Variants in USP16 observed in about 807,000 individuals in gnomAD.
The protein encoded by USP16 is ubiquitin carboxyl-terminal hydrolase 16.
A neutral mutation model predicts 95.9 loss-of-function variants in USP16; 77 were observed. The ratio of observed to expected loss-of-function variants is 0.80; its 90% CI spans 0.67 to 0.97. The LOEUF is 0.97. Among genes scored for constraint, USP16 ranks in the 50% least tolerant of loss-of-function variants. The pLI, the probability that USP16 is intolerant of heterozygous loss-of-function variation, is 0.00. For synonymous variants in USP16, 303 were observed against 318.2 expected (o/e 0.95, Z 0.51); for missense variants, 943 against 959.9 (o/e 0.98, Z 0.23).
In USP16 at chr21:29,039,576, T is replaced by A; in HGVS notation, c.951+8T>A. ...AGAGCAGAAGAACACCAAGTTAGCATGTTATGACCATTGTATTTTATGATC... is the reference window on the plus strand; with the variant it reads ...AGAGCAGAAGAACACCAAGTTAGCAAGTTATGACCATTGTATTTTATGATC... On this transcript the variant is annotated splice_region_variant and intron_variant, in intron 9 of 17. Coordinates refer to ENST00000399976, the MANE Select transcript of USP16 (RefSeq NM_006447.3). 1.9e-6 allele frequency: 3 copies of A among 1,610,316 alleles called. No individual in the cohort carries two copies. The highest frequency in any genetic ancestry group is 2.5e-6 in the Non-Finnish European group (3 of 1,177,396).
At position 29,043,413 on chromosome 21, in the gene USP16, A is replaced by G. The variant is rs766709778; in HGVS notation, c.1180-10A>G. On this transcript the variant is annotated splice_polypyrimidine_tract_variant and intron_variant, in intron 12 of 17. Transcript: ENST00000399976. ...ATTTTGTTTTTGACCTATGTTATCT[A>G]TATTTTAAGAGTGGTAAGAAAAGTG... 30 of 1,472,658 alleles carry G rather than the reference A, an allele frequency of 2.0e-5. No homozygotes were observed. The highest frequency in any genetic ancestry group is 5.0e-5 in the East Asian group (2 of 40,086). The allele number at this position is 1,472,658 out of a possible 1,614,324, so 91.2% of individuals were successfully genotyped here.
intron 3 of USP16, among the ~76,000 whole-genome samples, chr21:29,032,702 A>C (rs2146365172): frequency 6.6e-6 from 1 of 152,276 alleles, no homozygotes; most frequent in Non-Finnish European, 1.5e-5. Context: ...TTTTTTGGTG[A>C]TTACAAATAA....
chr21:29,037,579 C>CTTTT (rs71189336), intron 6 of USP16, 116 bp downstream of exon 6: 36 of 184,232 alleles, frequency 2.0e-4, no homozygotes, highest in East Asian at 3.0e-4. Context: ...CCAAAGAAAA[C>CTTTT]TTTTTTTTTT....
chr21:29,035,349 A>G (rs2146369641), intron 4 of USP16, among the ~76,000 whole-genome samples: 1 of 151,644 alleles, frequency 6.6e-6, no homozygotes, highest in Non-Finnish European at 1.5e-5. Flanking sequence ...CTTAAAAATC[A>G]TTTTCACAGT....
Position 29,048,757 on chromosome 21 carries a change from T to C in USP16, c.2012-4T>C. 2.5e-6 allele frequency: 4 copies of C among 1,611,472 alleles called. No homozygotes were observed. Among genetic ancestry groups the C allele is most frequent in the Non-Finnish European group, 3.4e-6 (4 of 1,178,592 alleles). On this transcript the variant is annotated splice_region_variant and splice_polypyrimidine_tract_variant and intron_variant, in intron 14 of 17. Transcript: ENST00000399976. ...CCCTGTTAAAAATTTCTTCTTTTCT[T>C]TAGGTGAAAGGAAGCATGTTTACAC... is the stretch of plus-strand genomic sequence containing the variant.
chr21:29,036,876 T>C (rs2085165195), intron 5 of USP16, among the ~76,000 whole-genome samples: 1 of 152,256 alleles, frequency 6.6e-6, no homozygotes, highest in African/African-American at 2.4e-5. Context: ...ATTTGTTTTT[T>C]ACTTTAGGAT....
chr21:29,053,322 T>TG (rs2085444639), intron 16 of USP16: 1 of 154,444 alleles, frequency 6.5e-6, no homozygotes, highest in African/African-American at 2.4e-5. Flanking sequence ...CACTCTCTCG[T>TG]GGGGAAAGTG....
chr21:29,024,774 G>C lies in USP16; in HGVS notation c.-45G>C, dbSNP rs773809458. On this transcript the variant is annotated 5_prime_UTR_variant, in exon 1 of 18. Transcript: ENST00000399976. ...GGATGCAGTTATGGGCTCTGTCGCC[G>C]TGGGTGAGTTCTGGTCCCACTGCCT... 4.7e-6 allele frequency: 6 copies of C among 1,287,522 alleles called. No homozygotes were observed. Among genetic ancestry groups the C allele is most frequent in the Admixed American group, 4.6e-5 (2 of 43,322 alleles). The allele number at this position is 1,287,522 out of a possible 1,614,324, so 79.8% of individuals were successfully genotyped here.
intron 13 of USP16, 64 bp from the exon 14 acceptor site, chr21:29,046,603 C>G: frequency 6.7e-7 from 1 of 1,485,158 alleles, no homozygotes; most frequent in Non-Finnish European, 9.0e-7. Flanking sequence ...CTCTATCTCT[C>G]TTCCTCCTTT....
chr21:29,042,343 C>G, intron 11 of USP16, 129 bp from the exon 12 acceptor site: 1 of 1,005,634 alleles, frequency 9.9e-7, no homozygotes, highest in Admixed American at 3.0e-5. Flanking sequence ...TTTTTCATTT[C>G]AAATTTTCTT....
chr21:29,033,567 A>C (rs955931735), intron 3 of USP16, among the ~76,000 whole-genome samples: 1 of 152,240 alleles, frequency 6.6e-6, no homozygotes, highest in African/African-American at 2.4e-5. Flanking sequence ...AGTTTAGGTC[A>C]TGTTCTTTTA....
rs1355419910 is a variant in USP16, at chr21:29,034,881, T to C, written c.285T>C (p.Tyr95=). The C allele has an allele frequency of 6.2e-7, 1 of 1,614,046 alleles. No individual in the cohort carries two copies. Among genetic ancestry groups the C allele is most frequent in the Admixed American group, 1.7e-5 (1 of 60,008 alleles). ...AGGAGCAGCATGCCTTGAAGCACTATCTGACGCCAAGATCTGAACCTCACT... is the reference window on the plus strand; with the variant it reads ...AGGAGCAGCATGCCTTGAAGCACTACCTGACGCCAAGATCTGAACCTCACT... The part of the protein sequence containing the change: ...NSQEQHALKH[Y]LTPRSEPHCL... The change falls in exon 4 of 18, where the codon TAT becomes TAC. Residue 95 remains tyrosine, a synonymous_variant. Coordinates refer to ENST00000399976, the MANE Select transcript of USP16 (RefSeq NM_006447.3).
chr21:29,029,229 C>T (rs192381699), intron 2 of USP16, among the ~76,000 whole-genome samples: 32 of 152,248 alleles, frequency 2.1e-4, no homozygotes, highest in African/African-American at 6.3e-4. Flanking sequence ...CTGGCTAACA[C>T]GGTGAAACCC....
chr21:29,025,419 A>G (rs2084972431), intron 1 of USP16, among the ~76,000 whole-genome samples: 1 of 152,232 alleles, frequency 6.6e-6, no homozygotes, highest in Non-Finnish European at 1.5e-5. Context: ...ATCCGATGAC[A>G]CTACTTGAAA....
chr21:29,026,647 G>T (rs1239577218), intron 1 of USP16: 3 of 139,364 alleles, frequency 2.2e-5, no homozygotes, highest in Non-Finnish European at 4.5e-5. Flanking sequence ...CTCCCAAAGT[G>T]TTGGGATTAC....
rs898395331 is a variant in USP16, at chr21:29,034,692, T to C, written c.241-145T>C. 1.8e-5 allele frequency: 13 copies of C among 714,510 alleles called. 1 individual carries two copies. Among genetic ancestry groups the C allele is most frequent in the South Asian group, 1.0e-4 (5 of 49,842 alleles). The allele number at this position is 714,510 out of a possible 1,614,324, so 44.3% of individuals were successfully genotyped here. A position where few individuals can be genotyped will look rare whatever the true frequency, so the allele number is the denominator to read the frequency against. On this transcript the variant is annotated intron_variant, in intron 3 of 17. Transcript: ENST00000399976. ...TGCATATGTAAGTTTTAACAAAATA[T>C]TGATTCTAGAGTCTAACATTTTCTT...
intron 2 of USP16, 56 bp downstream of exon 2, chr21:29,028,030 A>C: frequency 7.5e-7 from 1 of 1,336,808 alleles, no homozygotes; most frequent in South Asian, 1.2e-5. Flanking sequence ...ATATGTTTTA[A>C]AATGTAAAAA....
rs947374535 is a variant in USP16 at position 29,024,781 on chromosome 21, A to G, written c.-42+4A>G. 12 of 1,278,530 alleles carry G rather than the reference A, an allele frequency of 9.4e-6. No individual in the cohort carries two copies. The highest frequency in any genetic ancestry group is 1.1e-5 in the Non-Finnish European group (11 of 982,746). 79.2% of individuals were successfully genotyped at this position (1,278,530 alleles called of 1,614,324 possible). A position where few individuals can be genotyped will look rare whatever the true frequency, so the allele number is the denominator to read the frequency against. On this transcript the variant is annotated splice_donor_region_variant and intron_variant, in intron 1 of 17. Coordinates refer to ENST00000399976, the MANE Select transcript of USP16 (RefSeq NM_006447.3). ...GTTATGGGCTCTGTCGCCGTGGGTG[A>G]GTTCTGGTCCCACTGCCTGGCAGTC...
At chr21:29,039,329 G>A in intron 8 of USP16, 152 bp from the exon 9 acceptor site, 1 of 1,075,704 alleles carries the variant, frequency 9.3e-7, no homozygotes, top group Non-Finnish European at 1.2e-6. Flanking sequence ...TTATGTGATA[G>A]TTAAATCTCC....
Sources: gnomAD v4.1 joint callset for allele counts (sites outside exome capture counted in the v4.1 genomes callset) on GRCh38, gnomAD v4.1.1 for gene constraint, MANE v1.5 for transcripts, NCBI Gene and HGNC (gene_info 2026-07-23, HGNC 2026-07-21) for gene names.